CLVS1: variants seen among roughly 807,000 people sequenced by gnomAD.
The protein encoded by CLVS1 is clavesin-1.
Under a neutral mutation model 33.1 loss-of-function variants are expected in CLVS1, and 10 were observed. The ratio of observed to expected loss-of-function variants is 0.30; its 90% CI spans 0.19 to 0.51. CLVS1 has a LOEUF of 0.51. CLVS1 is among the 20% of genes least tolerant of loss of function. The pLI, the probability that CLVS1 is intolerant of heterozygous loss-of-function variation, is 0.97. For missense variants in CLVS1, 343 were observed against 433.4 expected (o/e 0.79, Z 1.85); for synonymous variants, 163 against 166.1 (o/e 0.98, Z 0.14).
chr8:61,239,835 C>T (rs1164357958), intron 2 of CLVS1, among the ~76,000 whole-genome samples: 1 of 152,160 alleles, frequency 6.6e-6, no homozygotes. Context: ...TATTTTTTAA[C>T]ATGTATACCA....
chr8:61,144,765 G>A (rs1408419592), intron 2 of CLVS1, among the ~76,000 whole-genome samples: 1 of 152,226 alleles, frequency 6.6e-6, no homozygotes, highest in Non-Finnish European at 1.5e-5. Context: ...GCGTGAGATG[G>A]TATCTCATTG....
intron 3 of CLVS1, among the ~76,000 whole-genome samples, chr8:61,420,472 C>T (rs1287105289): frequency 6.6e-6 from 1 of 151,940 alleles, no homozygotes; most frequent in Non-Finnish European, 1.5e-5. Context: ...CATAGTGTCT[C>T]CTGCCTGTAG....
At chr8:61,282,689 T>C (rs1276396247) in intron 2 of CLVS1, among the ~76,000 whole-genome samples, 1 of 152,252 alleles carries the variant, frequency 6.6e-6, no homozygotes, top group Non-Finnish European at 1.5e-5. Context: ...GTAATGCTTA[T>C]ACATGGGGAA....
intron 5 of CLVS1, among the ~76,000 whole-genome samples, chr8:61,492,523 T>TG (rs1258112367): frequency 5.9e-5 from 9 of 152,026 alleles, no homozygotes; most frequent in East Asian, 3.9e-4. Context: ...CATGTTTTTT[T>TG]GGGGGGGTCT....
the CLVS1 span, among the ~76,000 whole-genome samples, chr8:61,046,420 T>C: frequency 1.4e-5 from 2 of 146,656 alleles, no homozygotes; most frequent in South Asian, 2.2e-4. Flanking sequence ...AGTCAGGTAG[T>C]GTGATGCCTC....
intron 2 of CLVS1, among the ~76,000 whole-genome samples, chr8:61,170,650 C>T (rs925610926): frequency 1.3e-5 from 2 of 152,154 alleles, no homozygotes; most frequent in African/African-American, 4.8e-5. Context: ...CCTCTCTGAG[C>T]CTTGACATCC....
intron 3 of CLVS1, among the ~76,000 whole-genome samples, chr8:61,386,435 A>G (rs1017145521): frequency 6.6e-6 from 1 of 152,212 alleles, no homozygotes; most frequent in Non-Finnish European, 1.5e-5. Context: ...TTGCTCTCAC[A>G]TATCAAATTT....
intron 1 of CLVS1, among the ~76,000 whole-genome samples, chr8:61,128,624 T>C (rs1806023558): frequency 1.3e-5 from 2 of 152,224 alleles, no homozygotes; most frequent in Admixed American, 1.3e-4. Flanking sequence ...CTGTGCTCTT[T>C]CATCCTACCC....
chr8:61,242,165 T>C (rs1439019479), intron 2 of CLVS1, among the ~76,000 whole-genome samples: 6 of 152,216 alleles, frequency 3.9e-5, no homozygotes, highest in Admixed American at 2.6e-4. Context: ...CTTGCTGAGC[T>C]TCTTGAATCT....
In CLVS1 at chr8:61,488,665, A is replaced by C. The variant is rs151010578; in HGVS notation, c.978-10790A>C. On this transcript the variant is annotated intron_variant, in intron 5 of 5. Transcript: ENST00000325897. ...CTCCAAGCACTTTATTGTATCTTTT[A>C]TCTTTCATGGCCCTGTGGAGAATAT... Among the ~76,000 whole-genome samples the C allele has an allele frequency of 2.2e-4, 33 of 152,318 alleles. 1 individual carries two copies. In the East Asian group the frequency reaches 5.2e-3, roughly 24 times the overall value.
intron 2 of CLVS1, among the ~76,000 whole-genome samples, chr8:61,368,916 T>C (rs2129600876): frequency 6.6e-6 from 1 of 152,348 alleles, no homozygotes; most frequent in South Asian, 2.1e-4. Flanking sequence ...CCAGTACTGA[T>C]TGAAATAAGA....
intron 2 of CLVS1, among the ~76,000 whole-genome samples, chr8:61,339,019 T>A (rs1221671113): frequency 6.6e-6 from 1 of 151,936 alleles, no homozygotes; most frequent in Non-Finnish European, 1.5e-5. Flanking sequence ...TGCCTGTGTG[T>A]GTGTGTGTGT....
intron 2 of CLVS1, among the ~76,000 whole-genome samples, chr8:61,246,215 G>T: frequency 9.6e-6 from 1 of 104,516 alleles, no homozygotes; most frequent in Admixed American, 1.6e-4. Flanking sequence ...GTCTCACTCT[G>T]TCACCAGGCT....
At chr8:61,325,271 G>T (rs1221958141) in intron 2 of CLVS1, among the ~76,000 whole-genome samples, 1 of 152,006 alleles carries the variant, frequency 6.6e-6, no homozygotes, top group Non-Finnish European at 1.5e-5. Flanking sequence ...TAGGTAACTT[G>T]ATTGTGGTAA....
intron 1 of CLVS1, among the ~76,000 whole-genome samples, chr8:61,069,853 C>T (rs1005201379): frequency 2.0e-5 from 3 of 152,038 alleles, no homozygotes; most frequent in African/African-American, 7.2e-5. Flanking sequence ...TGCAGTGGCG[C>T]GATCTTGGCT....
intron 2 of CLVS1, among the ~76,000 whole-genome samples, chr8:61,136,714 T>C (rs2129292190): frequency 6.6e-6 from 1 of 152,212 alleles, no homozygotes; most frequent in East Asian, 1.9e-4. Context: ...AGGGAGAGGA[T>C]CAGGAAAAGT....
chr8:61,271,602 G>A (rs1284667515), intron 2 of CLVS1, among the ~76,000 whole-genome samples: 104 of 119,318 alleles, frequency 8.7e-4, no homozygotes, highest in African/African-American at 4.0e-3. Context: ...TGTGTCTAAT[G>A]TTGACAGTGG....
At chr8:61,371,101 A>T (rs544870260) in intron 2 of CLVS1, among the ~76,000 whole-genome samples, 7 of 152,320 alleles carry the variant, frequency 4.6e-5, no homozygotes, top group African/African-American at 1.7e-4. Flanking sequence ...GTACTAGTTT[A>T]CATTCCCACC....
At chr8:61,026,652 G>A in the CLVS1 span, among the ~76,000 whole-genome samples, 4 of 152,254 alleles carry the variant, frequency 2.6e-5, no homozygotes, top group East Asian at 3.9e-4. Flanking sequence ...TCTGTGGAGC[G>A]CTACTGCCAT....
Sources: gnomAD v4.1 joint callset for allele counts (sites outside exome capture counted in the v4.1 genomes callset) on GRCh38, gnomAD v4.1.1 for gene constraint, MANE v1.5 for transcripts, NCBI Gene and HGNC (gene_info 2026-07-23, HGNC 2026-07-21) for gene names.